RBFOX1: variants seen among roughly 807,000 people sequenced by gnomAD.
The protein encoded by RBFOX1 is RNA binding protein fox-1 homolog 1.
A neutral mutation model predicts 57.7 loss-of-function variants in RBFOX1; 8 were observed. The observed-to-expected ratio is 0.14, with a 90% CI of 0.08 to 0.25. The LOEUF (loss-of-function observed/expected upper bound fraction) is 0.25, where lower values mean the gene tolerates loss of function less well. Ranked by LOEUF, RBFOX1 falls within the 10% of genes least tolerant of loss-of-function variation. RBFOX1 has a pLI of 1.00. For synonymous variants in RBFOX1, 326 were observed against 222.4 expected (o/e 1.47, Z -4.15); for missense variants, 611 against 548.5 (o/e 1.11, Z -1.14).
intron 1 of RBFOX1, among the ~76,000 whole-genome samples, chr16:6,073,452 G>C (rs1362800159): frequency 6.6e-6 from 1 of 152,136 alleles, no homozygotes; most frequent in East Asian, 1.9e-4. Flanking sequence ...GAAAAACCAA[G>C]GAAGTTCATT....
At chr16:6,453,163 G>T (rs755759996) in intron 2 of RBFOX1, among the ~76,000 whole-genome samples, 1 of 152,024 alleles carries the variant, frequency 6.6e-6, no homozygotes, top group Non-Finnish European at 1.5e-5. Flanking sequence ...TACAGAACGT[G>T]CAAGTTCGTT....
At chr16:6,544,371 C>T (rs778546495) in intron 2 of RBFOX1, among the ~76,000 whole-genome samples, 1 of 152,192 alleles carries the variant, frequency 6.6e-6, no homozygotes, top group Non-Finnish European at 1.5e-5. Context: ...TCCCCTCTTG[C>T]AATCTGAGGA....
At chr16:6,028,509 TAAAAAAAA>T (rs36218292) in intron 1 of RBFOX1, among the ~76,000 whole-genome samples, 8 of 104,516 alleles carry the variant, frequency 7.7e-5, no homozygotes, top group Admixed American at 5.9e-4. Context: ...CTGTCTCTGT[TAAAAAAAA>T]AAAAAAAAAA....
intron 3 of RBFOX1, among the ~76,000 whole-genome samples, chr16:5,654,045 C>A (rs988070203): frequency 6.6e-6 from 1 of 152,180 alleles, no homozygotes; most frequent in African/African-American, 2.4e-5. Context: ...AGCCTGATGT[C>A]AAGAGTTCCA....
chr16:6,027,880 C>T (rs547902675), intron 1 of RBFOX1, among the ~76,000 whole-genome samples: 1 of 152,192 alleles, frequency 6.6e-6, no homozygotes, highest in South Asian at 2.1e-4. Context: ...CGTTGACAGA[C>T]TTGAGGCCCT....
chr16:7,504,017 T>A (rs2071905648), intron 4 of RBFOX1, among the ~76,000 whole-genome samples: 1 of 152,162 alleles, frequency 6.6e-6, no homozygotes, highest in African/African-American at 2.4e-5. Context: ...AAGATCACCT[T>A]CTACATTTTT....
intron 4 of RBFOX1, among the ~76,000 whole-genome samples, chr16:7,203,295 C>A (rs1049858711): frequency 2.0e-5 from 3 of 152,152 alleles, no homozygotes; most frequent in Non-Finnish European, 4.4e-5. Flanking sequence ...GTCACAAAAA[C>A]ACACGCACTG....
chr16:6,766,242 C>G (rs764258792), intron 3 of RBFOX1, among the ~76,000 whole-genome samples: 19 of 152,084 alleles, frequency 1.2e-4, no homozygotes, highest in Non-Finnish European at 2.5e-4. Context: ...ACTTTCCTCT[C>G]CTTGTCATTG....
intron 4 of RBFOX1, among the ~76,000 whole-genome samples, chr16:7,456,547 C>G (rs901045632): frequency 2.0e-5 from 3 of 152,186 alleles, no homozygotes; most frequent in Non-Finnish European, 4.4e-5. Context: ...GTAACAAAAT[C>G]TTCGTGTAAT....
chr16:7,247,688 G>A (rs2094355595), intron 4 of RBFOX1, among the ~76,000 whole-genome samples: 1 of 152,164 alleles, frequency 6.6e-6, no homozygotes, highest in Non-Finnish European at 1.5e-5. Context: ...TCTTAATTTA[G>A]CTGAAATGGA....
chr16:6,788,837 G>A (rs573218824), intron 3 of RBFOX1, among the ~76,000 whole-genome samples: 32 of 152,156 alleles, frequency 2.1e-4, no homozygotes, highest in Non-Finnish European at 3.8e-4. Flanking sequence ...TCCATCTTAT[G>A]TCCTAAAATG....
intron 3 of RBFOX1, among the ~76,000 whole-genome samples, chr16:5,621,035 T>C (rs1035860846): frequency 6.6e-6 from 1 of 152,128 alleles, no homozygotes; most frequent in Admixed American, 6.5e-5. Flanking sequence ...AGAGGCGAGG[T>C]TTCACCATGT....
At chr16:5,544,186 C>G (rs1046103586) in intron 2 of RBFOX1, among the ~76,000 whole-genome samples, 4 of 152,070 alleles carry the variant, frequency 2.6e-5, no homozygotes, top group Non-Finnish European at 5.9e-5. Flanking sequence ...GGCCATTAAA[C>G]CAGTCTCAAT....
At chr16:6,381,769 C>G (rs1028896093) in intron 2 of RBFOX1, among the ~76,000 whole-genome samples, 2 of 152,212 alleles carry the variant, frequency 1.3e-5, no homozygotes, top group Non-Finnish European at 2.9e-5. Flanking sequence ...GCTGCTGGAA[C>G]TGGGTCTGCC....
chr16:6,101,560 C>A (rs550207787), intron 1 of RBFOX1, among the ~76,000 whole-genome samples: 1 of 152,204 alleles, frequency 6.6e-6, no homozygotes, highest in South Asian at 2.1e-4. Context: ...GATCTTGGCA[C>A]ACTGCAACCT....
intron 4 of RBFOX1, among the ~76,000 whole-genome samples, chr16:7,222,688 A>G (rs1384120745): frequency 6.6e-6 from 1 of 152,184 alleles, no homozygotes; most frequent in African/African-American, 2.4e-5. Context: ...TGTCGTGCAA[A>G]TTACATGAAA....
chr16:5,454,279 G>A (rs1347396128), intron 1 of RBFOX1, among the ~76,000 whole-genome samples: 1 of 152,186 alleles, frequency 6.6e-6, no homozygotes, highest in Non-Finnish European at 1.5e-5. Context: ...TTCCAGTGTT[G>A]CATTGCTGTG....
intron 3 of RBFOX1, among the ~76,000 whole-genome samples, chr16:6,691,298 G>A (rs1459670008): frequency 1.3e-5 from 2 of 152,066 alleles, no homozygotes; most frequent in African/African-American, 4.8e-5. Context: ...GGTAGGGGGT[G>A]GCAGAGCTTT....
chr16:5,955,020 C>T (rs1169211489), intron 4 of RBFOX1, among the ~76,000 whole-genome samples: 1 of 147,866 alleles, frequency 6.8e-6, no homozygotes, highest in Non-Finnish European at 1.5e-5. Context: ...GCAGCTCATC[C>T]TTGTAATCCC....
Sources: allele counts gnomAD v4.1 joint callset (sites outside exome capture counted in the v4.1 genomes callset), GRCh38; gene constraint gnomAD v4.1.1; transcripts MANE v1.5; gene names NCBI Gene and HGNC (gene_info 2026-07-23, HGNC 2026-07-21).